SDK1: variants seen among roughly 807,000 people sequenced by gnomAD.
The protein encoded by SDK1 is sidekick cell adhesion molecule 1.
In SDK1, 157 loss-of-function variants were observed where a neutral mutation model predicts 245.5. The ratio of observed to expected loss-of-function variants is 0.64; its 90% confidence interval spans 0.56 to 0.73. The LOEUF (loss-of-function observed/expected upper bound fraction) is 0.73. Ranked by LOEUF, SDK1 falls within the 30% of genes least tolerant of loss-of-function variation. SDK1 has a pLI of 0.00. For synonymous variants in SDK1, 1,647 were observed against 1,278.5 expected, an observed-to-expected ratio of 1.29 and a Z score of -6.15; for missense variants, 3,583 against 3,002.3, an observed-to-expected ratio of 1.19 and a Z score of -4.52.
chr7:3,803,164 C>T (rs1342965350), intron 4 of SDK1, among the ~76,000 whole-genome samples: 1 of 152,116 alleles, frequency 6.6e-6, no homozygotes, highest in Non-Finnish European at 1.5e-5. Context: ...AAGGGTAGGT[C>T]ATCATGGTTT....
At chr7:3,623,245 CTTTTTTTTTT>C (rs1183056855) in intron 2 of SDK1, among the ~76,000 whole-genome samples, 70 of 117,992 alleles carry the variant, frequency 5.9e-4, no homozygotes, top group African/African-American at 2.0e-3. Context: ...TGTTGTATTT[CTTTTTTTTTT>C]TTTTTTTTTT....
intron 38 of SDK1, among the ~76,000 whole-genome samples, chr7:4,213,574 A>G (rs934323695): frequency 3.3e-5 from 5 of 149,808 alleles, no homozygotes; most frequent in African/African-American, 9.9e-5. Flanking sequence ...ACAGAGCGAG[A>G]TTCTGTCTCA....
chr7:4,065,702 T>G (rs986837240), intron 19 of SDK1, among the ~76,000 whole-genome samples: 42 of 80,642 alleles, frequency 5.2e-4, no homozygotes, highest in African/African-American at 1.9e-3. Flanking sequence ...TTGTTTTTTT[T>G]TTTTTTTTTT....
intron 1 of SDK1, among the ~76,000 whole-genome samples, chr7:3,332,390 T>C (rs759367582): frequency 6.6e-6 from 1 of 152,166 alleles, no homozygotes; most frequent in African/African-American, 2.4e-5. Context: ...TTATATCTTA[T>C]CTGTATGTAA....
At chr7:3,523,814 T>C (rs1783025914) in intron 1 of SDK1, among the ~76,000 whole-genome samples, 7 of 152,244 alleles carry the variant, frequency 4.6e-5, no homozygotes, top group Admixed American at 4.6e-4. Flanking sequence ...CAATTTAGTC[T>C]CTTTGTTCTA....
intron 17 of SDK1, among the ~76,000 whole-genome samples, chr7:4,045,144 C>G (rs1414097215): frequency 6.6e-6 from 1 of 152,202 alleles, no homozygotes; most frequent in Non-Finnish European, 1.5e-5. Flanking sequence ...ATTCCATAGA[C>G]ACACTACAGT....
chr7:4,029,788 C>G (rs980610855), intron 17 of SDK1, among the ~76,000 whole-genome samples: 18 of 152,152 alleles, frequency 1.2e-4, no homozygotes, highest in African/African-American at 4.3e-4. Context: ...GTCAAATATG[C>G]AGGTGTCACA....
intron 14 of SDK1, among the ~76,000 whole-genome samples, chr7:3,995,221 A>G (rs1326956210): frequency 6.6e-6 from 1 of 152,186 alleles, no homozygotes; most frequent in Non-Finnish European, 1.5e-5. Context: ...ATTCAGTGCC[A>G]CTGCACCTTT....
intron 28 of SDK1, among the ~76,000 whole-genome samples, chr7:4,140,754 A>G (rs1438462481): frequency 6.6e-6 from 1 of 152,272 alleles, no homozygotes; most frequent in Admixed American, 6.5e-5. Context: ...TATGGTAGCT[A>G]TGAAGTGCCT....
intron 35 of SDK1, among the ~76,000 whole-genome samples, chr7:4,190,841 G>C (rs1429070363): frequency 6.6e-6 from 1 of 152,220 alleles, no homozygotes; most frequent in Non-Finnish European, 1.5e-5. Context: ...GTGCCCCTAG[G>C]CAGACACAGC....
chr7:4,183,355 G>T (rs1277695181), intron 35 of SDK1, among the ~76,000 whole-genome samples: 2 of 152,154 alleles, frequency 1.3e-5, no homozygotes, highest in Admixed American at 6.6e-5. Flanking sequence ...CAGCTTACAG[G>T]CTGGGTGCGG....
intron 5 of SDK1, among the ~76,000 whole-genome samples, chr7:3,872,779 C>T (rs6972806): frequency 0.23 from 35,021 of 151,796 alleles, 4,302 homozygotes; most frequent in Middle Eastern, 0.31. Context: ...CTATAGAGTT[C>T]ACAATATACA....
At chr7:3,790,839 T>G (rs1781059329) in intron 4 of SDK1, among the ~76,000 whole-genome samples, 2 of 152,070 alleles carry the variant, frequency 1.3e-5, no homozygotes, top group Admixed American at 6.6e-5. Flanking sequence ...TGGTTGCTTT[T>G]GGGCTGTGGA....
At chr7:3,411,563 A>G (rs1290401776) in intron 1 of SDK1, among the ~76,000 whole-genome samples, 1 of 152,136 alleles carries the variant, frequency 6.6e-6, no homozygotes, top group Admixed American at 6.5e-5. Flanking sequence ...ATCAGTTACA[A>G]ACTTGGCTAT....
intron 8 of SDK1, 47 bp downstream of exon 8, chr7:3,959,061 G>A (rs1297198127): frequency 1.4e-6 from 2 of 1,416,176 alleles, no homozygotes; most frequent in East Asian, 2.3e-5. Context: ...CTGGGAGGAA[G>A]GGAAACAACC....
At chr7:3,715,565 C>T (rs1376771851) in intron 4 of SDK1, among the ~76,000 whole-genome samples, 2 of 152,112 alleles carry the variant, frequency 1.3e-5, no homozygotes, top group East Asian at 3.9e-4. Flanking sequence ...GATCCCCAGA[C>T]CCTACAGAAC....
intron 1 of SDK1, among the ~76,000 whole-genome samples, chr7:3,599,680 T>A (rs2128638290): frequency 6.6e-6 from 1 of 152,312 alleles, no homozygotes; most frequent in Non-Finnish European, 1.5e-5. Flanking sequence ...GCCTTCTAGG[T>A]ATTCAATTGC....
In SDK1 at chr7:3,341,433, G is replaced by T. The variant is rs1020430639; in HGVS notation, c.298+39549G>T. On this transcript the variant is annotated intron_variant, in intron 1 of 44. Transcript: ENST00000404826. Reference sequence around the variant, plus strand: ...GAAAGATGGAATGTCTTTCCTCTCAGGTTGGGAACAAGGCCAGGATGTTCA... The same window carrying T: ...GAAAGATGGAATGTCTTTCCTCTCATGTTGGGAACAAGGCCAGGATGTTCA... Among the ~76,000 whole-genome samples the T allele has an allele frequency of 3.9e-5, 6 of 152,148 alleles. No homozygotes were observed. In the East Asian group the frequency reaches 1.2e-3, roughly 29 times the overall value.
chr7:4,008,411 G>A (rs1439460222), intron 14 of SDK1, among the ~76,000 whole-genome samples: 5 of 152,332 alleles, frequency 3.3e-5, no homozygotes, highest in East Asian at 1.9e-4. Context: ...TTGGCCAGTC[G>A]CCATGACAGC....
Sources: gnomAD v4.1 joint callset for allele counts (sites outside exome capture counted in the v4.1 genomes callset) on GRCh38, gnomAD v4.1.1 for gene constraint, MANE v1.5 for transcripts, NCBI Gene and HGNC (gene_info 2026-07-23, HGNC 2026-07-21) for gene names.